Variants in NPAS3 observed in about 807,000 individuals in gnomAD.
NPAS3 encodes the protein neuronal PAS domain-containing protein 3.
NPAS3 carries 14 observed loss-of-function variants against 73.1 expected under a neutral mutation model. The ratio of observed to expected loss-of-function variants is 0.19; its 90% CI spans 0.13 to 0.30. NPAS3 has a LOEUF of 0.30. Among genes scored for constraint, NPAS3 ranks in the 10% least tolerant of loss-of-function variants. NPAS3 has a pLI of 1.00. For synonymous variants in NPAS3, 620 were observed against 541.5 expected (o/e 1.14, Z -2.01); for missense variants, 1,096 against 1,250.0 (o/e 0.88, Z 1.86).
At chr14:33,601,818 G>A (rs1031022598) in intron 5 of NPAS3, among the ~76,000 whole-genome samples, 5 of 152,118 alleles carry the variant, frequency 3.3e-5, no homozygotes, top group African/African-American at 4.8e-5. Flanking sequence ...AGTTTGATCC[G>A]ATCTGATTTG....
At chr14:33,692,836 TAAAAAAA>T (rs34684535) in intron 6 of NPAS3, among the ~76,000 whole-genome samples, 91 of 64,050 alleles carry the variant, frequency 1.4e-3, no homozygotes, top group Non-Finnish European at 2.1e-3. Context: ...CCCAATGTCT[TAAAAAAA>T]AAAAAAAAAA....
At chr14:32,951,376 A>G (rs79507340) in intron 1 of NPAS3, among the ~76,000 whole-genome samples, 6,058 of 152,206 alleles carry the variant, frequency 0.04, 177 homozygotes, top group African/African-American at 0.08. Flanking sequence ...TTTTATGTCA[A>G]ATATGGTGCT....
chr14:33,506,826 G>A (rs2052787791), intron 4 of NPAS3, among the ~76,000 whole-genome samples: 1 of 151,986 alleles, frequency 6.6e-6, no homozygotes, highest in Non-Finnish European at 1.5e-5. Flanking sequence ...CCCCACACTT[G>A]AAGTAGGAAT....
chr14:33,155,481 C>A (rs1443172061), intron 2 of NPAS3, among the ~76,000 whole-genome samples: 1 of 152,172 alleles, frequency 6.6e-6, no homozygotes, highest in East Asian at 1.9e-4. Flanking sequence ...GCTTCGAATT[C>A]CTGGGCTCAA....
At chr14:33,005,864 A>C (rs1041770484) in intron 1 of NPAS3, among the ~76,000 whole-genome samples, 1 of 152,064 alleles carries the variant, frequency 6.6e-6, no homozygotes, top group African/African-American at 2.4e-5. Context: ...TTTTCCTATA[A>C]CCTGTCCTCT....
chr14:33,443,079 A>G (rs1712270269), intron 4 of NPAS3, among the ~76,000 whole-genome samples: 1 of 152,236 alleles, frequency 6.6e-6, no homozygotes, highest in South Asian at 2.1e-4. Flanking sequence ...AGAGCCCTTT[A>G]CAGATTGACC....
At chr14:33,523,914 G>C (rs2053673772) in intron 4 of NPAS3, among the ~76,000 whole-genome samples, 1 of 148,416 alleles carries the variant, frequency 6.7e-6, no homozygotes, top group Non-Finnish European at 1.5e-5. Context: ...TACGCCTTGA[G>C]ACAAGAGAAA....
At chr14:33,772,714 T>C (rs949619236) in intron 7 of NPAS3, among the ~76,000 whole-genome samples, 3 of 152,206 alleles carry the variant, frequency 2.0e-5, no homozygotes, top group African/African-American at 2.4e-5. Flanking sequence ...TTTTAGCTAT[T>C]TCTCTATTAG....
intron 4 of NPAS3, among the ~76,000 whole-genome samples, chr14:33,452,799 A>AAG (rs2049860613): frequency 2.7e-5 from 4 of 149,222 alleles, no homozygotes; most frequent in Admixed American, 1.3e-4. Flanking sequence ...AAAAAAAAAA[A>AAG]GGCAAGTCAT....
intron 1 of NPAS3, among the ~76,000 whole-genome samples, chr14:32,965,765 G>A (rs572084315): frequency 6.6e-6 from 1 of 152,288 alleles, no homozygotes; most frequent in Non-Finnish European, 1.5e-5. Context: ...AATGAAGTCA[G>A]ATTGTTCTTG....
At chr14:33,748,545 A>G (rs2061870527) in intron 7 of NPAS3, among the ~76,000 whole-genome samples, 1 of 152,190 alleles carries the variant, frequency 6.6e-6, no homozygotes, top group Non-Finnish European at 1.5e-5. Flanking sequence ...CTTCAAACTC[A>G]TGATTCCTTG....
At chr14:32,970,914 T>TG (rs2139311466) in intron 1 of NPAS3, among the ~76,000 whole-genome samples, 1 of 152,204 alleles carries the variant, frequency 6.6e-6, no homozygotes, top group African/African-American at 2.4e-5. Context: ...AAGTAGGGAC[T>TG]GGGGGTTAGA....
chr14:33,224,090 A>G (rs565541702), intron 3 of NPAS3, among the ~76,000 whole-genome samples: 1 of 152,318 alleles, frequency 6.6e-6, no homozygotes, highest in South Asian at 2.1e-4. Context: ...CCAGTTCTTG[A>G]TAATGTAATA....
intron 4 of NPAS3, among the ~76,000 whole-genome samples, chr14:33,538,833 C>T (rs1268748728): frequency 2.0e-5 from 3 of 152,072 alleles, no homozygotes; most frequent in Non-Finnish European, 4.4e-5. Context: ...ATTGTAAGAC[C>T]CTACACTTTT....
At chr14:33,308,527 T>TATATACAC in intron 3 of NPAS3, among the ~76,000 whole-genome samples, 28 of 103,578 alleles carry the variant, frequency 2.7e-4, no homozygotes, top group African/African-American at 3.2e-4. Flanking sequence ...TATATATATA[T>TATATACAC]ACATACACAC....
chr14:33,332,812 C>G (rs2044045866), intron 3 of NPAS3, among the ~76,000 whole-genome samples: 1 of 152,196 alleles, frequency 6.6e-6, no homozygotes, highest in Admixed American at 6.5e-5. Flanking sequence ...GTCTAACTGG[C>G]TCCTGAACTA....
In NPAS3 at chr14:33,200,233, T is replaced by C. The variant is rs185142849; in HGVS notation, c.141-14949T>C. 2.7e-3 allele frequency among the ~76,000 whole-genome samples: 412 copies of C among 151,680 alleles called. 2 individuals are homozygous for C. Among genetic ancestry groups the C allele is most frequent in the African/African-American group, 9.5e-3 (392 of 41,434 alleles). ...GCAATTGCAAAAACCGCAGTTACTT[T>C]TGCACCAACCTAAATATAGACATAT... On this transcript the variant is annotated intron_variant, in intron 2 of 11. Coordinates refer to ENST00000356141, the Ensembl canonical transcript of NPAS3.
intron 7 of NPAS3, among the ~76,000 whole-genome samples, chr14:33,737,483 G>T (rs2061551307): frequency 6.6e-6 from 1 of 152,062 alleles, no homozygotes; most frequent in Admixed American, 6.6e-5. Flanking sequence ...ATACTCCCCT[G>T]ACATACCCTG....
intron 2 of NPAS3, among the ~76,000 whole-genome samples, chr14:33,197,782 C>A (rs1371377073): frequency 1.3e-5 from 2 of 152,220 alleles, no homozygotes; most frequent in African/African-American, 4.8e-5. Flanking sequence ...CATCTTGAAT[C>A]CTTTCTCTGT....
Sources: gnomAD v4.1 joint callset for allele counts (sites outside exome capture counted in the v4.1 genomes callset) on GRCh38, gnomAD v4.1.1 for gene constraint, MANE v1.5 for transcripts, NCBI Gene and HGNC (gene_info 2026-07-23, HGNC 2026-07-21) for gene names.